SLC26A7: variants seen among roughly 807,000 people sequenced by gnomAD.
SLC26A7 encodes the protein anion exchange transporter.
A neutral mutation model predicts 82.5 loss-of-function variants in SLC26A7; 59 were observed. The observed-to-expected ratio is 0.72, with a 90% CI of 0.58 to 0.89. SLC26A7 has a LOEUF of 0.89. SLC26A7 is among the 40% of genes least tolerant of loss of function. The probability of loss-of-function intolerance (pLI) is 0.00; values close to 1 mark genes in which losing one functional copy is unlikely to be tolerated. For synonymous variants in SLC26A7, 271 were observed against 274.3 expected (o/e 0.99, Z 0.12); for missense variants, 820 against 793.0 (o/e 1.03, Z -0.41).
chr8:91,318,169 G>C, intron 4 of SLC26A7, 47 bp from the exon 5 acceptor site: 1 of 1,530,236 alleles, frequency 6.5e-7, no homozygotes, highest in Non-Finnish European at 8.9e-7. Flanking sequence ...TGGGAACTTT[G>C]GGGAGTTTCA....
Position 91,295,425 on chromosome 8 carries a change from T to C in SLC26A7, c.305-106T>C, listed in dbSNP as rs112372445. 3.1e-4 allele frequency: 398 copies of C among 1,276,758 alleles called. 2 individuals carry two copies. The African/African-American group carries it at 5.3e-3, about 17-fold the overall frequency. The allele number at this position is 1,276,758 out of a possible 1,614,324, so 79.1% of individuals were successfully genotyped here. The stretch of plus-strand genomic sequence containing the variant: ...ACAGAGGAGGGGACAGTGTTTCTAA[T>C]AGATCTGTTTGGTTTCACAATGTAG... On this transcript the variant is annotated intron_variant, in intron 3 of 18. Coordinates refer to ENST00000276609, the MANE Select transcript of SLC26A7 (RefSeq NM_052832.4).
At chr8:91,307,908 A>G (rs1199646520) in intron 4 of SLC26A7, among the ~76,000 whole-genome samples, 1 of 152,142 alleles carries the variant, frequency 6.6e-6, no homozygotes, top group African/African-American at 2.4e-5. Context: ...TATGTTGCCT[A>G]GGCTGTTCTC....
intron 11 of SLC26A7, among the ~76,000 whole-genome samples, chr8:91,356,443 T>C (rs2130861925): frequency 6.6e-6 from 1 of 152,252 alleles, no homozygotes; most frequent in Admixed American, 6.5e-5. Context: ...AGATGGTATC[T>C]CATTGTGGTT....
chr8:91,223,928 T>G (rs572906761), intron 2 of SLC26A7, among the ~76,000 whole-genome samples: 2 of 151,914 alleles, frequency 1.3e-5, no homozygotes, highest in African/African-American at 2.4e-5. Flanking sequence ...AGTAAGGTGG[T>G]CTTCAGACTC....
intron 12 of SLC26A7, 36 bp downstream of exon 12, chr8:91,362,495 A>G: frequency 6.6e-7 from 1 of 1,525,890 alleles, no homozygotes; most frequent in Non-Finnish European, 9.1e-7. Flanking sequence ...TTATTTTTGC[A>G]CAGCAGCAAA....
intron 2 of SLC26A7, among the ~76,000 whole-genome samples, chr8:91,255,505 T>C (rs1405056589): frequency 6.6e-6 from 1 of 152,092 alleles, no homozygotes; most frequent in African/African-American, 2.4e-5. Flanking sequence ...CTAACTTAGC[T>C]CCCTTAATCA....
intron 4 of SLC26A7, among the ~76,000 whole-genome samples, chr8:91,296,791 T>G (rs1395803044): frequency 6.6e-6 from 1 of 152,146 alleles, no homozygotes; most frequent in Non-Finnish European, 1.5e-5. Flanking sequence ...TATCATAAAA[T>G]AAAAATTAGT....
intron 15 of SLC26A7, among the ~76,000 whole-genome samples, chr8:91,386,467 AGT>A (rs1814801588): frequency 6.6e-6 from 1 of 152,152 alleles, no homozygotes; most frequent in Non-Finnish European, 1.5e-5. Flanking sequence ...AAAACAAGTA[AGT>A]GGATAAAAAA....
chr8:91,257,914 T>C (rs1243779651), intron 2 of SLC26A7, among the ~76,000 whole-genome samples: 2 of 152,110 alleles, frequency 1.3e-5, no homozygotes, highest in Non-Finnish European at 2.9e-5. Flanking sequence ...CTGGGAGGCC[T>C]CGGGAAACTT....
intron 2 of SLC26A7, among the ~76,000 whole-genome samples, chr8:91,240,403 C>G (rs1182707262): frequency 6.6e-6 from 1 of 152,132 alleles, no homozygotes; most frequent in Non-Finnish European, 1.5e-5. Flanking sequence ...AACTCTGGAA[C>G]TCTTCCCTAT....
chr8:91,289,866 A>G (rs1393682143), intron 3 of SLC26A7, among the ~76,000 whole-genome samples: 6 of 152,178 alleles, frequency 3.9e-5, no homozygotes, highest in African/African-American at 1.2e-4. Flanking sequence ...ACCTACCTCT[A>G]TATTACCAAA....
chr8:91,301,792 T>C (rs1394390202), intron 4 of SLC26A7, among the ~76,000 whole-genome samples: 1 of 150,664 alleles, frequency 6.6e-6, no homozygotes, highest in East Asian at 1.9e-4. Context: ...AGGAATTCAA[T>C]TTACTTGTTA....
In SLC26A7 at chr8:91,311,451, TCA is replaced by T. The variant is rs371594926; in HGVS notation, c.478-6754_478-6753del. Among the ~76,000 whole-genome samples, 770 of 151,542 alleles carry T rather than the reference TCA, an allele frequency of 5.1e-3. 5 individuals are homozygous for T. Among genetic ancestry groups the T allele is most frequent in the African/African-American group, 0.018 (734 of 41,370 alleles). ...TATATTTATATATATATACACACACTCACACACACACATACATATATATAATG... is the reference window on the plus strand; with the variant it reads ...TATATTTATATATATATACACACACTCACACACACATACATATATATAATG... On this transcript the variant is annotated intron_variant, in intron 4 of 18. Transcript: ENST00000276609.
intron 9 of SLC26A7, 35 bp downstream of exon 9, chr8:91,343,501 T>A: frequency 6.7e-7 from 1 of 1,487,400 alleles, no homozygotes; most frequent in Non-Finnish European, 9.3e-7. Flanking sequence ...AAAGCACTGC[T>A]GGGCCTTCAC....
chr8:91,288,972 G>A (rs113695371), intron 2 of SLC26A7, among the ~76,000 whole-genome samples, 164 bp from the exon 3 acceptor site: 19 of 152,160 alleles, frequency 1.2e-4, no homozygotes, highest in East Asian at 3.8e-4. Context: ...GAACTAAAGC[G>A]TGAATTTTCT....
chr8:91,351,943 T>C (rs751947492), intron 10 of SLC26A7, 56 bp downstream of exon 10: 18 of 1,281,902 alleles, frequency 1.4e-5, no homozygotes, highest in Admixed American at 3.5e-5. Context: ...ATGAGAATCA[T>C]TGCATATAAA....
chr8:91,323,843 T>C (rs116117867), intron 5 of SLC26A7, among the ~76,000 whole-genome samples: 1,560 of 137,404 alleles, frequency 0.011, 24 homozygotes, highest in African/African-American at 0.042. Context: ...TTTTGAGACA[T>C]AGTCTCACTC....
intron 2 of SLC26A7, among the ~76,000 whole-genome samples, chr8:91,221,246 T>A (rs1001429840): frequency 3.3e-5 from 5 of 152,200 alleles, no homozygotes; most frequent in Non-Finnish European, 7.3e-5. Flanking sequence ...TTTGTTTAAG[T>A]TCCTTGTAAA....
chr8:91,289,747 A>T (rs1189253582), intron 3 of SLC26A7, among the ~76,000 whole-genome samples: 2 of 152,196 alleles, frequency 1.3e-5, no homozygotes, highest in East Asian at 3.8e-4. Context: ...TACTCAAAAA[A>T]CAGTGAAAAA....
Sources: gnomAD v4.1 joint callset for allele counts (sites outside exome capture counted in the v4.1 genomes callset) on GRCh38, gnomAD v4.1.1 for gene constraint, MANE v1.5 for transcripts, NCBI Gene and HGNC (gene_info 2026-07-23, HGNC 2026-07-21) for gene names.